DCHS2: variants seen among roughly 807,000 people sequenced by gnomAD.
DCHS2 encodes the protein dachsous cadherin-related 2, also known as protocadherin-23.
A neutral mutation model predicts 182.4 loss-of-function variants in DCHS2; 142 were observed. The ratio of observed to expected loss-of-function variants is 0.78; its 90% CI spans 0.68 to 0.89. The LOEUF (loss-of-function observed/expected upper bound fraction) is 0.89. Among genes scored for constraint, DCHS2 ranks in the 40% least tolerant of loss-of-function variants. The pLI, the probability that DCHS2 is intolerant of heterozygous loss-of-function variation, is 0.00. For synonymous variants in DCHS2, 1,740 were observed against 1,663.3 expected (o/e 1.05, Z -1.12); for missense variants, 4,319 against 4,198.6 (o/e 1.03, Z -0.79).
chr4:154,366,213 T>A lies in DCHS2; in HGVS notation c.2473A>T (p.Thr825Ser). 8 of 1,610,606 alleles carry A rather than the reference T, an allele frequency of 5.0e-6. No individual in the cohort carries two copies. Among genetic ancestry groups the A allele is most frequent in the Non-Finnish European group, 6.8e-6 (8 of 1,177,198 alleles). ...AAACTGTTCCAAGATCACATACCTGTGGTGGAGTCAATGGTAAAAAGGGAC... is the reference window on the plus strand; with the variant it reads ...AAACTGTTCCAAGATCACATACCTGAGGTGGAGTCAATGGTAAAAAGGGAC... ...VSSLFTIDST[T>S]GIIYLTLPLS... The change falls in exon 3 of 20, where the codon ACA (threonine) becomes TCA (serine). Residue 825 changes from threonine (T) to serine (S), a missense_variant. Transcript: ENST00000357232.
chr4:154,318,241 A>T (rs1735931641), intron 9 of DCHS2, among the ~76,000 whole-genome samples: 1 of 151,286 alleles, frequency 6.6e-6, no homozygotes, highest in Non-Finnish European at 1.5e-5. Flanking sequence ...ATATAAGTAT[A>T]TACATATATA....
At chr4:154,241,881 TC>T (rs1221914930) in intron 17 of DCHS2, among the ~76,000 whole-genome samples, 2 of 152,200 alleles carry the variant, frequency 1.3e-5, no homozygotes, top group Non-Finnish European at 2.9e-5. Context: ...CTGGAATATT[TC>T]CCTCTGTGAG....
chr4:154,255,222 T>C (rs1732597333), intron 16 of DCHS2, among the ~76,000 whole-genome samples: 1 of 152,176 alleles, frequency 6.6e-6, no homozygotes, highest in Admixed American at 6.5e-5. Flanking sequence ...CTCACAAACA[T>C]TATCTTTTTA....
In DCHS2 at chr4:154,234,687, T is replaced by C. The variant is rs1242347780; in HGVS notation, c.9965A>G (p.Glu3322Gly). 1 of 1,613,860 alleles carries C rather than the reference T, an allele frequency of 6.2e-7. No homozygotes were observed. Among genetic ancestry groups the C allele is most frequent in the African/African-American group, 1.3e-5 (1 of 74,872 alleles). Residue 3322 changes from glutamate (E) to glycine (G), a missense_variant, in exon 20 of 20, where the codon GAA becomes GGA. Glu to Gly is a moderately conservative substitution (Grantham distance 98). Coordinates refer to ENST00000357232, the MANE Select transcript of DCHS2 (RefSeq NM_001358235.2). ...TGGAGAAAAATTGGGAGTCATGCCT[T>C]CTGGCAGAGAACCAAGATGGTAGGG... ...PIPYHLGSLP[E>G]GMTPNFSPSL... is the part of the protein sequence containing the mutation.
Position 154,298,284 on chromosome 4 carries a change from T to A in DCHS2, c.6030A>T (p.Arg2010Ser). The change falls in exon 13 of 20, where the codon AGA becomes AGT. Residue 2010 changes from arginine (R) to serine (S), a missense_variant. Arg to Ser is a moderately radical substitution (Grantham distance 110, BLOSUM62 -1). Coordinates refer to ENST00000357232, the MANE Select transcript of DCHS2 (RefSeq NM_001358235.2). ...RSQHTFSAVA[R>S]DCSIQGSRST... ...TTCGTGAACCCTGGATGCTACAGTCTCTGGCCACAGCACTAAATGTATGCT... is the reference window on the plus strand; with the variant it reads ...TTCGTGAACCCTGGATGCTACAGTCACTGGCCACAGCACTAAATGTATGCT... 1 of 1,614,192 alleles carries A rather than the reference T, an allele frequency of 6.2e-7. No homozygotes were observed. Among genetic ancestry groups the A allele is most frequent in the Non-Finnish European group, 8.5e-7 (1 of 1,180,014 alleles).
chr4:154,234,918 T>A lies in DCHS2; in HGVS notation c.9734A>T (p.Gln3245Leu). The change falls in exon 20 of 20, where the codon CAA (glutamine) becomes CTA (leucine). Residue 3245 changes from glutamine to leucine, a missense_variant. Coordinates refer to ENST00000357232, the MANE Select transcript of DCHS2 (RefSeq NM_001358235.2). ...ATCATTAAATACTGAGGCAAGAGGT[T>A]GGAATTTGGGCTCCCAACTAAGAAG... ...NYLLSWEPKF[Q>L]PLASVFNDIA... 1.9e-6 allele frequency: 3 copies of A among 1,613,986 alleles called. No homozygotes were observed. The highest frequency in any genetic ancestry group is 2.5e-6 in the Non-Finnish European group (3 of 1,179,914).
chr4:154,384,233 A>G (rs1731299363), intron 1 of DCHS2: 1 of 1,383,210 alleles, frequency 7.2e-7, no homozygotes, highest in Non-Finnish European at 9.7e-7. Flanking sequence ...AAGTCTAATG[A>G]TCGAGGCTTG....
intron 14 of DCHS2, among the ~76,000 whole-genome samples, chr4:154,260,616 C>T (rs1172974346): frequency 2.6e-5 from 4 of 152,178 alleles, no homozygotes; most frequent in Admixed American, 6.5e-5. Flanking sequence ...GAATGGCTCA[C>T]ACAGCGATTC....
chr4:154,411,789 T>G (rs1732644912), intron 1 of DCHS2, among the ~76,000 whole-genome samples: 2 of 152,184 alleles, frequency 1.3e-5, no homozygotes, highest in African/African-American at 2.4e-5. Context: ...ACAGTAACAA[T>G]TTTACTATAT....
chr4:154,317,423 T>C (rs1022342172), intron 9 of DCHS2, among the ~76,000 whole-genome samples: 2 of 152,204 alleles, frequency 1.3e-5, no homozygotes, highest in African/African-American at 2.4e-5. Context: ...TTAGGTGGTG[T>C]CCATGCATGC....
rs1301985012 is a variant in DCHS2 at position 154,235,314 on chromosome 4, T to C, written c.9338A>G (p.His3113Arg). ...TGAGTCTGAGCACTTTCTGTAGGGA[T>C]GCTCATTTATCCTCTGGATTTCCTT... The part of the protein sequence containing the change: ...EDKEIQRINE[H>R]PYRKCSDSAL... Residue 3113 changes from histidine to arginine, a missense_variant, in exon 20 of 20, where the codon CAT (histidine) becomes CGT (arginine). Coordinates refer to ENST00000357232, the MANE Select transcript of DCHS2 (RefSeq NM_001358235.2). 1.2e-6 allele frequency: 2 copies of C among 1,614,120 alleles called. No individual in the cohort carries two copies. Among genetic ancestry groups the C allele is most frequent in the East Asian group, 2.2e-5 (1 of 44,864 alleles).
chr4:154,389,537 A>ATATATATATATAT (rs1561084874), intron 1 of DCHS2, among the ~76,000 whole-genome samples: 1 of 56,750 alleles, frequency 1.8e-5, no homozygotes, highest in Non-Finnish European at 4.8e-5. Context: ...TATATATATA[A>ATATATATATATAT]CCTTTTTTTA....
Position 154,491,124 on chromosome 4 carries a change from G to T in DCHS2, c.232C>A (p.Pro78Thr), listed in dbSNP as rs771406428. 25 of 1,551,388 alleles carry T rather than the reference G, an allele frequency of 1.6e-5. No individual in the cohort carries two copies. The highest frequency in any genetic ancestry group is 2.7e-5 in the African/African-American group (2 of 73,058). ...ATGTCACCTACCAGCGTGTCCGGGG[G>T]AAGCCCCTCATCTACGGAAAGGGTG... ...NLTLSVDEGL[P>T]PDTLVGDIRA... is the part of the protein sequence containing the mutation. The change falls in exon 1 of 20, where the codon CCC (proline) becomes ACC (threonine). Residue 78 changes from proline to threonine, a missense_variant. Coordinates refer to ENST00000357232, the MANE Select transcript of DCHS2 (RefSeq NM_001358235.2).
intron 1 of DCHS2, among the ~76,000 whole-genome samples, chr4:154,463,692 T>TC: frequency 6.9e-6 from 1 of 145,266 alleles, no homozygotes; most frequent in Non-Finnish European, 1.5e-5. Flanking sequence ...ATTCTCTCTT[T>TC]TCTCTCTCTC....
chr4:154,462,607 C>T (rs1735056695), intron 1 of DCHS2, among the ~76,000 whole-genome samples: 1 of 152,152 alleles, frequency 6.6e-6, no homozygotes, highest in Admixed American at 6.5e-5. Context: ...AATTTAAATT[C>T]CTTCCAGAAT....
At chr4:154,398,492 A>T (rs1352679505) in intron 1 of DCHS2, among the ~76,000 whole-genome samples, 3 of 152,178 alleles carry the variant, frequency 2.0e-5, no homozygotes, top group Non-Finnish European at 4.4e-5. Context: ...TGACTGTGAC[A>T]CTATGGTTCC....
At chr4:154,275,718 C>T (rs1473218514) in intron 13 of DCHS2, among the ~76,000 whole-genome samples, 3 of 152,000 alleles carry the variant, frequency 2.0e-5, no homozygotes, top group African/African-American at 7.2e-5. Context: ...ACAGCTATGC[C>T]AACAAAAGAA....
intron 12 of DCHS2, chr4:154,298,965 C>T: frequency 2.8e-6 from 1 of 358,482 alleles, no homozygotes; most frequent in Non-Finnish European, 4.7e-6. Context: ...AATTAGAACA[C>T]TTGCTTTCAC....
intron 1 of DCHS2, among the ~76,000 whole-genome samples, chr4:154,399,218 C>T (rs191650201): frequency 6.6e-6 from 1 of 152,244 alleles, no homozygotes; most frequent in Non-Finnish European, 1.5e-5. Context: ...GGTATCATTC[C>T]CAGAACCTTT....
Sources: allele counts gnomAD v4.1 joint callset (sites outside exome capture counted in the v4.1 genomes callset), GRCh38; gene constraint gnomAD v4.1.1; transcripts MANE v1.5; gene names NCBI Gene and HGNC (gene_info 2026-07-23, HGNC 2026-07-21).